SPAG16: variants seen among roughly 807,000 people sequenced by gnomAD.
SPAG16 encodes sperm-associated antigen 16 protein.
A neutral mutation model predicts 80.4 loss-of-function variants in SPAG16; 86 were observed. That is an observed-to-expected ratio of 1.07 (90% CI 0.90 to 1.28). The LOEUF (loss-of-function observed/expected upper bound fraction) is 1.28, where lower values mean the gene tolerates loss of function less well. Ranked by LOEUF, SPAG16 falls within the 50% of genes most tolerant of loss-of-function variation. The pLI, the probability that SPAG16 is intolerant of heterozygous loss-of-function variation, is 0.00. For missense variants in SPAG16, 870 were observed against 765.3 expected (o/e 1.14, Z -1.61); for synonymous variants, 294 against 265.9 (o/e 1.11, Z -1.03).
At chr2:213,656,238 C>T (rs2063217824) in intron 10 of SPAG16, among the ~76,000 whole-genome samples, 1 of 152,184 alleles carries the variant, frequency 6.6e-6, no homozygotes, top group South Asian at 2.1e-4. Context: ...CTCTGTCGCC[C>T]AGGCGACCTC....
rs548679986 is a variant in SPAG16 at position 214,110,552 on chromosome 2, T to C, written c.1593+2291T>C. ...AGTCTATGATTGATGGACATTTGCG[T>C]TGGTTCCAAGTTTTTGCTATTGTGA... On this transcript the variant is annotated intron_variant, in intron 14 of 15. Transcript: ENST00000331683. Among the ~76,000 whole-genome samples, 9 of 152,324 alleles carry C rather than the reference T, an allele frequency of 5.9e-5. No individual in the cohort carries two copies. In the East Asian group the frequency reaches 1.7e-3, roughly 29 times the overall value.
At chr2:213,330,478 G>T (rs1481243591) in intron 5 of SPAG16, among the ~76,000 whole-genome samples, 2 of 152,204 alleles carry the variant, frequency 1.3e-5, no homozygotes, top group East Asian at 3.8e-4. Flanking sequence ...GGGGCTTGTA[G>T]TCCCTTTGTT....
intron 3 of SPAG16, among the ~76,000 whole-genome samples, chr2:213,300,690 T>C (rs1403869126): frequency 6.6e-6 from 1 of 152,162 alleles, no homozygotes; most frequent in Admixed American, 6.5e-5. Flanking sequence ...ATTCTGTCTA[T>C]GTTATCTGTG....
intron 15 of SPAG16, among the ~76,000 whole-genome samples, chr2:214,279,967 G>T (rs1209110285): frequency 1.3e-5 from 2 of 152,176 alleles, no homozygotes; most frequent in Non-Finnish European, 2.9e-5. Flanking sequence ...ACTAAGGAAT[G>T]ATGCTAAAGC....
intron 10 of SPAG16, among the ~76,000 whole-genome samples, chr2:213,502,640 C>A (rs925174032): frequency 6.6e-6 from 1 of 152,166 alleles, no homozygotes; most frequent in Non-Finnish European, 1.5e-5. Flanking sequence ...ATGATGATCA[C>A]AATGAACATT....
intron 10 of SPAG16, among the ~76,000 whole-genome samples, chr2:213,762,383 C>G (rs972993942): frequency 1.3e-5 from 2 of 151,806 alleles, no homozygotes; most frequent in Non-Finnish European, 2.9e-5. Context: ...CATTTTACCA[C>G]GATAAAAAAT....
chr2:214,339,987 A>G (rs1697557511), intron 15 of SPAG16, among the ~76,000 whole-genome samples: 1 of 152,034 alleles, frequency 6.6e-6, no homozygotes, highest in African/African-American at 2.4e-5. Context: ...GCCATGATGG[A>G]CTCCTGACCC....
At chr2:214,247,444 C>T (rs2125839923) in intron 15 of SPAG16, among the ~76,000 whole-genome samples, 1 of 152,180 alleles carries the variant, frequency 6.6e-6, no homozygotes, top group African/African-American at 2.4e-5. Flanking sequence ...GATCCTTCAC[C>T]TTTACTAAAT....
intron 10 of SPAG16, among the ~76,000 whole-genome samples, chr2:213,590,572 G>C (rs1472666316): frequency 6.6e-6 from 1 of 152,108 alleles, no homozygotes; most frequent in Non-Finnish European, 1.5e-5. Context: ...AGCATCATCA[G>C]AAAGATGCTA....
chr2:214,319,200 C>CCACACA (rs61711759), intron 15 of SPAG16, among the ~76,000 whole-genome samples: 12,428 of 142,294 alleles, frequency 0.087, 687 homozygotes, highest in Middle Eastern at 0.15. Flanking sequence ...CACACACACA[C>CCACACA]CACACACACA....
intron 10 of SPAG16, among the ~76,000 whole-genome samples, chr2:213,573,275 C>T (rs2059994001): frequency 6.6e-6 from 1 of 152,224 alleles, no homozygotes; most frequent in Non-Finnish European, 1.5e-5. Flanking sequence ...CTCTAATCAA[C>T]ACAGATTCTA....
intron 14 of SPAG16, among the ~76,000 whole-genome samples, chr2:214,129,351 C>A (rs938483529): frequency 1.3e-5 from 2 of 152,128 alleles, no homozygotes; most frequent in Admixed American, 6.6e-5. Flanking sequence ...TGGCTGACTT[C>A]ATTCGTTTTC....
At chr2:213,800,366 C>CTCTCCCTT (rs1395160614) in intron 10 of SPAG16, among the ~76,000 whole-genome samples, 5 of 124,452 alleles carry the variant, frequency 4.0e-5, no homozygotes, top group Non-Finnish European at 8.9e-5. Context: ...CTCTCTCCCT[C>CTCTCCCTT]TCTCCCTTTC....
At chr2:214,191,278 C>G (rs548072784) in intron 15 of SPAG16, among the ~76,000 whole-genome samples, 1 of 152,226 alleles carries the variant, frequency 6.6e-6, no homozygotes, top group African/African-American at 2.4e-5. Flanking sequence ...CTTTGGTTCC[C>G]TTGCTAGACT....
intron 10 of SPAG16, among the ~76,000 whole-genome samples, chr2:213,683,679 T>C (rs2125269655): frequency 6.6e-6 from 1 of 152,288 alleles, no homozygotes; most frequent in South Asian, 2.1e-4. Context: ...TAAGGGTGAA[T>C]GCCAAACATG....
intron 13 of SPAG16, among the ~76,000 whole-genome samples, chr2:214,038,219 C>T (rs926085817): frequency 1.3e-5 from 2 of 151,996 alleles, no homozygotes; most frequent in African/African-American, 2.4e-5. Flanking sequence ...TTTGTTCTAG[C>T]AGTCAATTTT....
At chr2:213,635,066 C>T (rs552442625) in intron 10 of SPAG16, among the ~76,000 whole-genome samples, 68 of 149,082 alleles carry the variant, frequency 4.6e-4, no homozygotes, top group African/African-American at 1.2e-3. Flanking sequence ...GACAGAGTCT[C>T]GCTTTGTTGC....
chr2:213,501,864 A>G (rs1455245810), intron 10 of SPAG16, among the ~76,000 whole-genome samples: 1 of 152,168 alleles, frequency 6.6e-6, no homozygotes, highest in East Asian at 1.9e-4. Context: ...TGCTAGTCAT[A>G]TTGCTATTTA....
chr2:213,333,008 G>A (rs1481406188), intron 5 of SPAG16, among the ~76,000 whole-genome samples: 1 of 152,032 alleles, frequency 6.6e-6, no homozygotes, highest in Non-Finnish European at 1.5e-5. Context: ...AGTAGTGGAA[G>A]TCCAAGCAAT....
Sources: gnomAD v4.1 joint callset for allele counts (sites outside exome capture counted in the v4.1 genomes callset) on GRCh38, gnomAD v4.1.1 for gene constraint, MANE v1.5 for transcripts, NCBI Gene and HGNC (gene_info 2026-07-23, HGNC 2026-07-21) for gene names.